Variants in LOC128706665 observed in about 807,000 individuals in gnomAD.
At chr20:10,429,888 G>A in the LOC128706665 span, among the ~76,000 whole-genome samples, 1 of 152,278 alleles carries the variant, frequency 6.6e-6, no homozygotes, top group East Asian at 1.9e-4. Flanking sequence ...GACCTACTGA[G>A]TCAGAAACTC....
At chr20:10,417,242 T>C in the LOC128706665 span, among the ~76,000 whole-genome samples, 2 of 29,504 alleles carry the variant, frequency 6.8e-5, no homozygotes, top group African/African-American at 1.0e-4. Flanking sequence ...TGAGACTCCA[T>C]CTTAAAAAAA....
the LOC128706665 span, among the ~76,000 whole-genome samples, chr20:10,414,552 A>G: frequency 6.6e-6 from 1 of 152,188 alleles, no homozygotes; most frequent in Admixed American, 6.5e-5. Context: ...AGCGTGAGCC[A>G]CTGTGCCCGG....
the LOC128706665 span, among the ~76,000 whole-genome samples, chr20:10,417,417 C>A: frequency 7.2e-5 from 11 of 152,104 alleles, no homozygotes; most frequent in African/African-American, 2.7e-4. Flanking sequence ...TTGAGACCAG[C>A]CTGGGCAACA....
the LOC128706665 span, chr20:10,420,703 ACTTTGTAGT>A: frequency 1.2e-4 from 18 of 152,134 alleles, no homozygotes; most frequent in African/African-American, 3.6e-4. Context: ...AACAACCAAA[ACTTTGTAGT>A]CTCTCCACAA....
At chr20:10,418,478 G>T in the LOC128706665 span, among the ~76,000 whole-genome samples, 1 of 152,154 alleles carries the variant, frequency 6.6e-6, no homozygotes, top group African/African-American at 2.4e-5. Flanking sequence ...TCAACTATTC[G>T]GAATTTGTGT....
chr20:10,417,245 TAAA>T, the LOC128706665 span, among the ~76,000 whole-genome samples: 167 of 132,388 alleles, frequency 1.3e-3, no homozygotes, highest in African/African-American at 2.3e-3. Context: ...GACTCCATCT[TAAA>T]AAAAAAAAAA....
At chr20:10,428,562 GGCGCGGTGGCTC>G in the LOC128706665 span, among the ~76,000 whole-genome samples, 1 of 152,252 alleles carries the variant, frequency 6.6e-6, no homozygotes, top group Non-Finnish European at 1.5e-5. Context: ...CTTTCAGCTG[GGCGCGGTGGCTC>G]ACGCCTCTAA....
the LOC128706665 span, among the ~76,000 whole-genome samples, chr20:10,429,055 C>T: frequency 1.3e-5 from 2 of 152,144 alleles, no homozygotes; most frequent in African/African-American, 4.8e-5. Context: ...AAAACAAATT[C>T]CCTAAGGCAA....
the LOC128706665 span, among the ~76,000 whole-genome samples, chr20:10,417,165 C>T: frequency 1.3e-5 from 2 of 149,448 alleles, no homozygotes; most frequent in Non-Finnish European, 3.0e-5. Flanking sequence ...GCAGGAGAAT[C>T]ACTTCAACCC....
the LOC128706665 span, among the ~76,000 whole-genome samples, chr20:10,430,893 C>T: frequency 6.6e-6 from 1 of 152,194 alleles, no homozygotes; most frequent in African/African-American, 2.4e-5. Flanking sequence ...CATTTTCAGA[C>T]ACGCTGTTGG....
At chr20:10,417,245 T>TA in the LOC128706665 span, among the ~76,000 whole-genome samples, 25 of 132,416 alleles carry the variant, frequency 1.9e-4, no homozygotes, top group African/African-American at 4.2e-4. Flanking sequence ...GACTCCATCT[T>TA]AAAAAAAAAA....
the LOC128706665 span, among the ~76,000 whole-genome samples, chr20:10,417,010 C>G: frequency 1.3e-5 from 2 of 152,030 alleles, no homozygotes; most frequent in Non-Finnish European, 1.5e-5. Context: ...TAGGTTACAG[C>G]AATGATAATG....
the LOC128706665 span, among the ~76,000 whole-genome samples, chr20:10,430,699 T>C: frequency 6.6e-6 from 1 of 152,164 alleles, no homozygotes. Context: ...TAGGATATTA[T>C]AGGACAGATA....
the LOC128706665 span, among the ~76,000 whole-genome samples, chr20:10,423,985 T>C: frequency 6.7e-6 from 1 of 148,284 alleles, no homozygotes; most frequent in Non-Finnish European, 1.5e-5. Context: ...TTGATTTGGC[T>C]AATGGGGGTG....
the LOC128706665 span, among the ~76,000 whole-genome samples, chr20:10,423,247 C>T: frequency 2.1e-4 from 32 of 152,142 alleles, no homozygotes; most frequent in Admixed American, 5.9e-4. Flanking sequence ...TGGCAAAACC[C>T]GTTTCTACAA....
chr20:10,417,191 C>T, the LOC128706665 span, among the ~76,000 whole-genome samples: 1 of 147,284 alleles, frequency 6.8e-6, no homozygotes, highest in Admixed American at 6.9e-5. Context: ...GCAGAGGTTG[C>T]AGTGAGCCGA....
the LOC128706665 span, chr20:10,413,830 T>G: frequency 4.2e-6 from 2 of 471,544 alleles, no homozygotes; most frequent in Admixed American, 7.4e-5. Context: ...TGGACACCTA[T>G]GAAAGATATC....
At chr20:10,414,960 A>T in the LOC128706665 span, among the ~76,000 whole-genome samples, 1 of 152,188 alleles carries the variant, frequency 6.6e-6, no homozygotes, top group Non-Finnish European at 1.5e-5. Flanking sequence ...AAACCAAGGG[A>T]TATGCTGGAT....
chr20:10,416,928 G>C, the LOC128706665 span, among the ~76,000 whole-genome samples: 2 of 152,186 alleles, frequency 1.3e-5, no homozygotes, highest in Non-Finnish European at 2.9e-5. Flanking sequence ...GGTTGGTATA[G>C]ACACTATATG....
Sources: allele counts gnomAD v4.1 joint callset (sites outside exome capture counted in the v4.1 genomes callset), GRCh38; gene constraint gnomAD v4.1.1; transcripts MANE v1.5.